Variants in P3H1 observed in about 807,000 individuals in gnomAD.
P3H1 encodes growth suppressor 1.
A neutral mutation model predicts 84.0 loss-of-function variants in P3H1; 69 were observed. The observed-to-expected ratio is 0.82, with a 90% confidence interval of 0.68 to 1.00. The LOEUF (loss-of-function observed/expected upper bound fraction) is 1.00, where lower values mean the gene tolerates loss of function less well. Among genes scored for constraint, P3H1 ranks in the 50% least tolerant of loss-of-function variants. P3H1 has a pLI of 0.00. For missense variants in P3H1, 878 were observed against 962.8 expected (o/e 0.91, Z 1.17); for synonymous variants, 366 against 388.8 (o/e 0.94, Z 0.69).
In P3H1 at chr1:42,766,626, G is replaced by C; in HGVS notation, c.346C>G (p.Arg116Gly). Residue 116 changes from arginine to glycine, a missense_variant, in exon 1 of 15, where the codon CGC becomes GGC. Transcript: ENST00000296388. ...AGGCAGCGGCGCAGGCAGGCAGCGC[G>C]ACGCAGAAGGCCCCCGAAGAAGCTC... is the stretch of plus-strand genomic sequence containing the variant. ...DLSFFGGLLR[R>G]AACLRRCLGP... The C allele has an allele frequency of 6.3e-7, 1 of 1,598,210 alleles. No individual in the cohort carries two copies. Among genetic ancestry groups the C allele is most frequent in the Non-Finnish European group, 8.5e-7 (1 of 1,172,900 alleles).
At chr1:42,747,910 G>T in intron 12 of P3H1, 112 bp from the exon 13 acceptor site, 1 of 1,043,226 alleles carries the variant, frequency 9.6e-7, no homozygotes, top group Non-Finnish European at 1.5e-6. Flanking sequence ...GTGTGGGAGG[G>T]AAACCTTTAA....
chr1:42,759,146 T>G, intron 3 of P3H1, 55 bp downstream of exon 3: 1 of 1,588,612 alleles, frequency 6.3e-7, no homozygotes, highest in Non-Finnish European at 8.6e-7. Flanking sequence ...TATCAGATGG[T>G]GACCTTAGAG....
intron 8 of P3H1, 47 bp from the exon 9 acceptor site, chr1:42,752,711 C>T: frequency 1.2e-6 from 2 of 1,611,296 alleles, no homozygotes; most frequent in Non-Finnish European, 1.7e-6. Context: ...AGCAGCTAGA[C>T]CAAAGACTCT....
At chr1:42,753,155 T>C (rs529002587) in intron 8 of P3H1, among the ~76,000 whole-genome samples, 2 of 152,234 alleles carry the variant, frequency 1.3e-5, no homozygotes, top group Non-Finnish European at 2.9e-5. Flanking sequence ...ATTTGGCATA[T>C]GGTAAGTCCT....
At chr1:42,761,459 T>A (rs1335709324) in intron 2 of P3H1, 1 of 152,146 alleles carries the variant, frequency 6.6e-6, no homozygotes, top group Admixed American at 6.5e-5. Context: ...AAAACATACA[T>A]GACCAAAAAA....
At chr1:42,757,748 G>A (rs1010174458) in intron 5 of P3H1, 35 bp downstream of exon 5, 3 of 1,614,006 alleles carry the variant, frequency 1.9e-6, no homozygotes, top group Non-Finnish European at 2.5e-6. Flanking sequence ...TCTGAGTTCA[G>A]CTGGCAGCTG....
At chr1:42,762,106 C>T (rs966048507) in intron 2 of P3H1, 13 of 534,704 alleles carry the variant, frequency 2.4e-5, no homozygotes, top group Non-Finnish European at 4.0e-5. Context: ...AGAAAACAAC[C>T]TTAGTAATGT....
chr1:42,755,436 C>G lies in P3H1; in HGVS notation c.1170+112G>C. On this transcript the variant is annotated intron_variant, in intron 6 of 14. Coordinates refer to ENST00000296388, the MANE Select transcript of P3H1 (RefSeq NM_022356.4). ...TGCCTTGCACAGATCCCAGGCTAGG[C>G]TCAGCCTCCAGCAAGTTTTCTCTCA... The G allele has an allele frequency of 2.8e-6, 3 of 1,074,974 alleles. No homozygotes were observed. The Admixed American group carries it at 5.1e-5, about 18-fold the overall frequency. The allele number at this position is 1,074,974 out of a possible 1,614,324, so 66.6% of individuals were successfully genotyped here.
chr1:42,755,189 G>A lies in P3H1; in HGVS notation c.1199C>T (p.Pro400Leu), dbSNP rs1199306577. 6.2e-7 allele frequency: 1 copy of A among 1,613,974 alleles called. No homozygotes were observed. Among genetic ancestry groups the A allele is most frequent in the African/African-American group, 1.3e-5 (1 of 74,904 alleles). ...PDSWTPEEVI[P>L]KRLQEKQKSE... ...CTTCTGTTTCTCTTGCAATCTCTTG[G>A]GAATCACTTCTTCTGGAGTCCATGA... The change falls in exon 7 of 15, where the codon CCC (proline) becomes CTC (leucine). Residue 400 changes from proline to leucine, a missense_variant. Pro to Leu is a moderately conservative substitution (Grantham distance 98, BLOSUM62 -3). Transcript: ENST00000296388.
At chr1:42,759,716 C>A (rs1652602106) in intron 2 of P3H1, among the ~76,000 whole-genome samples, 1 of 151,936 alleles carries the variant, frequency 6.6e-6, no homozygotes, top group Non-Finnish European at 1.5e-5. Flanking sequence ...GCCTCAGCCT[C>A]CCTAGTAGCT....
Position 42,747,865 on chromosome 1 carries a change from C to T in P3H1, c.1839-67G>A, listed in dbSNP as rs146671123. 1,171 of 1,461,162 alleles carry T rather than the reference C, an allele frequency of 8.0e-4. 11 individuals are homozygous for T. In the African/African-American group the frequency reaches 0.014, roughly 18 times the overall value. The allele number at this position is 1,461,162 out of a possible 1,614,324, so 90.5% of individuals were successfully genotyped here. ...TCCCTTTCCCCTGAGCCTTCACCTC[C>T]AGGTGCTCTCAACCAGCAGCAGGAG... On this transcript the variant is annotated intron_variant, in intron 12 of 14. Transcript: ENST00000296388.
rs1652149319 is a variant in P3H1 at position 42,752,327 on chromosome 1, G to C, written c.1516C>G (p.Pro506Ala). 1 of 1,614,044 alleles carries C rather than the reference G, an allele frequency of 6.2e-7. No homozygotes were observed. Among genetic ancestry groups the C allele is most frequent in the African/African-American group, 1.3e-5 (1 of 74,914 alleles). The part of the protein sequence containing the change: ...SGDGYRGQTS[P>A]HTPNEKFYGV... The stretch of plus-strand genomic sequence containing the variant: ...TAGAACTTTTCATTGGGAGTATGTG[G>C]GGAGGTCTGACCCCGGTAGCCATCT... Residue 506 changes from proline (P) to alanine (A), a missense_variant, in exon 10 of 15, where the codon CCA becomes GCA. Coordinates refer to ENST00000296388, the MANE Select transcript of P3H1 (RefSeq NM_022356.4).
chr1:42,757,770 G>C lies in P3H1; in HGVS notation c.1080+13C>G. 1.2e-6 allele frequency: 2 copies of C among 1,614,224 alleles called. No individual in the cohort carries two copies. The highest frequency in any genetic ancestry group is 1.7e-6 in the Non-Finnish European group (2 of 1,180,040). ...TCAGCTGGCAGCTGTCATAACAGAA[G>C]GAAGTCTCTCACCTCACGGGGGCCG... On this transcript the variant is annotated intron_variant, in intron 5 of 14. Coordinates refer to ENST00000296388, the MANE Select transcript of P3H1 (RefSeq NM_022356.4).
At position 42,754,811 on chromosome 1, in the gene P3H1, G is replaced by A; in HGVS notation, c.1345+58C>T. The A allele has an allele frequency of 1.2e-6, 2 of 1,612,292 alleles. No individual in the cohort carries two copies. The highest frequency in any genetic ancestry group is 1.7e-6 in the Non-Finnish European group (2 of 1,178,846). The stretch of plus-strand genomic sequence containing the variant: ...GTGGAGCGCTGCCTGGCAAATGTGG[G>A]GTGACCTGCCTGGCTCCCTGACAAC... On this transcript the variant is annotated intron_variant, in intron 8 of 14. Coordinates refer to ENST00000296388, the MANE Select transcript of P3H1 (RefSeq NM_022356.4). The surrounding 1 kb of genome is among the most constrained non-coding windows in gnomAD (Gnocchi z 4.0).
At chr1:42,748,932 TC>T (rs1651881248) in intron 11 of P3H1, among the ~76,000 whole-genome samples, 1 of 152,166 alleles carries the variant, frequency 6.6e-6, no homozygotes. Context: ...GGTGCCTCCT[TC>T]TCCATTCCCA....
chr1:42,759,503 AAAGGGGTGACCTGGG>A (rs1652590236), intron 2 of P3H1, 113 bp from the exon 3 acceptor site: 3 of 866,142 alleles, frequency 3.5e-6, no homozygotes, highest in Non-Finnish European at 5.7e-6. Context: ...TTATGGATGG[AAAGGGGTGACCTGGG>A]TACCACTATA....
At chr1:42,747,092 C>A in intron 14 of P3H1, 180 bp downstream of exon 14, 1 of 1,614,216 alleles carries the variant, frequency 6.2e-7, no homozygotes, top group Non-Finnish European at 8.5e-7. Flanking sequence ...TCACAGCAGG[C>A]CCAGGGAGGA....
At chr1:42,763,936 A>C (rs1046610989) in intron 1 of P3H1, among the ~76,000 whole-genome samples, 1 of 151,926 alleles carries the variant, frequency 6.6e-6, no homozygotes, top group Non-Finnish European at 1.5e-5. Flanking sequence ...TGAGGTCAGG[A>C]GTTTGAGACC....
At chr1:42,748,912 C>T (rs1479809146) in intron 11 of P3H1, among the ~76,000 whole-genome samples, 2 of 152,230 alleles carry the variant, frequency 1.3e-5, no homozygotes, top group African/African-American at 2.4e-5. Flanking sequence ...GGCACCGTCA[C>T]GTCGTGGTGG....
Sources: allele counts gnomAD v4.1 joint callset (sites outside exome capture counted in the v4.1 genomes callset), GRCh38; gene constraint gnomAD v4.1.1; non-coding constraint Gnocchi (gnomAD v3.1); transcripts MANE v1.5; gene names NCBI Gene and HGNC (gene_info 2026-07-23, HGNC 2026-07-21).